STAG1: variants seen among roughly 807,000 people sequenced by gnomAD.
The protein encoded by STAG1 is STAG1 cohesin complex component.
Under a neutral mutation model 170.9 loss-of-function variants are expected in STAG1, and 26 were observed. The observed-to-expected ratio is 0.15, with a 90% CI of 0.11 to 0.21. The LOEUF is 0.21. Among genes scored for constraint, STAG1 ranks in the 10% least tolerant of loss-of-function variants. The pLI is 1.00. For missense variants in STAG1, 964 were observed against 1,509.5 expected, an observed-to-expected ratio of 0.64 and a Z score of 5.99; for synonymous variants, 514 against 497.7, an observed-to-expected ratio of 1.03 and a Z score of -0.44.
intron 1 of STAG1, among the ~76,000 whole-genome samples, chr3:136,725,322 G>C (rs535752009): frequency 6.6e-6 from 1 of 152,146 alleles, no homozygotes; most frequent in Admixed American, 6.5e-5. Context: ...TCTGACAAAA[G>C]AATTATTTCC....
chr3:136,590,619 T>C (rs890118364), intron 4 of STAG1, among the ~76,000 whole-genome samples: 3 of 152,228 alleles, frequency 2.0e-5, no homozygotes, highest in Non-Finnish European at 4.4e-5. Flanking sequence ...CCAGGACTTA[T>C]TGTAAAATAT....
chr3:136,731,688 C>A (rs941236590), intron 1 of STAG1, among the ~76,000 whole-genome samples: 2 of 152,216 alleles, frequency 1.3e-5, no homozygotes, highest in African/African-American at 4.8e-5. Flanking sequence ...TATAACCACA[C>A]TATATGGCTC....
chr3:136,600,043 A>G (rs1318932513), intron 4 of STAG1, among the ~76,000 whole-genome samples: 2 of 152,220 alleles, frequency 1.3e-5, no homozygotes, highest in Non-Finnish European at 2.9e-5. Flanking sequence ...AACCAAATGA[A>G]CAGACATTTC....
chr3:136,704,621 G>A (rs1224453059), intron 1 of STAG1, among the ~76,000 whole-genome samples: 3 of 150,660 alleles, frequency 2.0e-5, no homozygotes, highest in Non-Finnish European at 4.4e-5. Flanking sequence ...TGAGCTCAGG[G>A]GTTCCAGACC....
chr3:136,341,740 C>A (rs147501284), intron 30 of STAG1, among the ~76,000 whole-genome samples, 189 bp from the exon 31 acceptor site: 2 of 152,324 alleles, frequency 1.3e-5, no homozygotes, highest in African/African-American at 4.8e-5. Flanking sequence ...CCAAGAGAAG[C>A]TGGCTGAGGC....
At chr3:136,340,130 C>T (rs1935907113) in intron 32 of STAG1, among the ~76,000 whole-genome samples, 1 of 152,142 alleles carries the variant, frequency 6.6e-6, no homozygotes. Context: ...CCCTTCCTCC[C>T]AGAATTCTGA....
At chr3:136,632,367 C>T (rs1274601634) in intron 1 of STAG1, among the ~76,000 whole-genome samples, 3 of 152,126 alleles carry the variant, frequency 2.0e-5, no homozygotes, top group African/African-American at 7.2e-5. Context: ...GGCACTATGG[C>T]GTCTTTTGCT....
intron 1 of STAG1, among the ~76,000 whole-genome samples, chr3:136,635,530 C>CA (rs1940517003): frequency 1.3e-5 from 2 of 152,144 alleles, no homozygotes; most frequent in Admixed American, 6.5e-5. Context: ...GAGAGAAACT[C>CA]AAAGCTTTTC....
intron 22 of STAG1, among the ~76,000 whole-genome samples, chr3:136,378,479 GAATCC>G (rs1422379667): frequency 6.6e-6 from 1 of 152,166 alleles, no homozygotes; most frequent in Admixed American, 6.5e-5. Flanking sequence ...AGGATTGCTT[GAATCC>G]AAGAGTTGGA....
At chr3:136,749,806 AC>A (rs1415505928) in intron 1 of STAG1, among the ~76,000 whole-genome samples, 2 of 151,746 alleles carry the variant, frequency 1.3e-5, no homozygotes, top group Non-Finnish European at 2.9e-5. Context: ...CACAGCTGAC[AC>A]CCTGATTTTA....
chr3:136,654,436 A>G (rs1941309594), intron 1 of STAG1, among the ~76,000 whole-genome samples: 1 of 152,346 alleles, frequency 6.6e-6, no homozygotes, highest in South Asian at 2.1e-4. Flanking sequence ...TTAACCAACA[A>G]GGTGAAAGAC....
chr3:136,750,408 C>T (rs1310090304), intron 1 of STAG1, among the ~76,000 whole-genome samples: 2 of 152,020 alleles, frequency 1.3e-5, no homozygotes, highest in Admixed American at 6.6e-5. Context: ...GTCCAGGACC[C>T]ACTCCTTCTC....
chr3:136,497,990 C>T (rs1933215588), intron 9 of STAG1, among the ~76,000 whole-genome samples: 2 of 149,662 alleles, frequency 1.3e-5, no homozygotes, highest in African/African-American at 2.5e-5. Context: ...GTCAGGAGTT[C>T]GAGACCAGCC....
At chr3:136,453,577 C>G (rs34165586) in intron 13 of STAG1, among the ~76,000 whole-genome samples, 1 of 144,544 alleles carries the variant, frequency 6.9e-6, no homozygotes, top group Non-Finnish European at 1.5e-5. Flanking sequence ...GGTGACAGAG[C>G]GAGACTATGT....
intron 1 of STAG1, among the ~76,000 whole-genome samples, chr3:136,711,256 G>C (rs1490640980): frequency 6.6e-6 from 1 of 152,120 alleles, no homozygotes. Flanking sequence ...TGGAGGTTAA[G>C]TTGGTTACTC....
intron 1 of STAG1, among the ~76,000 whole-genome samples, chr3:136,668,580 C>T (rs1318396043): frequency 2.0e-5 from 3 of 151,770 alleles, no homozygotes; most frequent in Non-Finnish European, 4.4e-5. Flanking sequence ...CTTCAGGCTG[C>T]AATGCAGGCT....
chr3:136,454,212 G>T (rs1261003194), intron 13 of STAG1, among the ~76,000 whole-genome samples: 1 of 151,938 alleles, frequency 6.6e-6, no homozygotes, highest in East Asian at 1.9e-4. Context: ...CCAAGTTGCT[G>T]GGATTACAGG....
intron 1 of STAG1, among the ~76,000 whole-genome samples, chr3:136,637,594 G>A (rs1940620406): frequency 1.3e-5 from 2 of 152,012 alleles, no homozygotes; most frequent in East Asian, 1.9e-4. Flanking sequence ...TAAGAGTTTC[G>A]GTTCTGGGGC....
rs760635116 is a variant in STAG1, at chr3:136,580,521, C to CTTT, written c.298-11663_298-11661dup. Among the ~76,000 whole-genome samples, 343 of 100,340 alleles carry CTTT rather than the reference C, an allele frequency of 3.4e-3. 1 individual carries two copies. Among genetic ancestry groups the CTTT allele is most frequent in the East Asian group, 7.0e-3 (21 of 3,010 alleles). The allele number at this position is 100,340 out of a possible 152,430, so 65.8% of individuals were successfully genotyped here. On this transcript the variant is annotated intron_variant, in intron 4 of 33. Transcript: ENST00000383202. The stretch of plus-strand genomic sequence containing the variant: ...AGTTTGCATTTATTCTTGTATAATT[C>CTTT]TTTTTTTTTTTTTTTTTTTTTTTGA...
Sources: allele counts gnomAD v4.1 joint callset (sites outside exome capture counted in the v4.1 genomes callset), GRCh38; gene constraint gnomAD v4.1.1; transcripts MANE v1.5; gene names NCBI Gene and HGNC (gene_info 2026-07-23, HGNC 2026-07-21).